Variants in TMEM71 observed in about 807,000 individuals in gnomAD.
The protein encoded by TMEM71 is transmembrane protein 71.
TMEM71 carries 44 observed loss-of-function variants against 38.0 expected under a neutral mutation model. That is an observed-to-expected ratio of 1.16 (90% confidence interval 0.91 to 1.49). The LOEUF is 1.49. TMEM71 is among the 40% of genes most tolerant of loss of function. The pLI is 0.00. For synonymous variants in TMEM71, 133 were observed against 122.5 expected (o/e 1.09, Z -0.56); for missense variants, 367 against 348.6 (o/e 1.05, Z -0.42).
At chr8:132,728,050 T>TG (rs1827253017) in intron 5 of TMEM71, 64 bp from the exon 6 acceptor site, 2 of 1,081,976 alleles carry the variant, frequency 1.8e-6, no homozygotes, top group African/African-American at 3.3e-5. Context: ...GTGTGTGTGT[T>TG]CAGTGACTGC....
At chr8:132,747,857 G>T (rs1347759754) in intron 4 of TMEM71, among the ~76,000 whole-genome samples, 1 of 152,194 alleles carries the variant, frequency 6.6e-6, no homozygotes, top group African/African-American at 2.4e-5. Context: ...CAAGGGAGTT[G>T]GAATTTAGTG....
intron 4 of TMEM71, among the ~76,000 whole-genome samples, chr8:132,749,635 AG>A (rs1284891392): frequency 1.3e-5 from 2 of 152,226 alleles, no homozygotes; most frequent in East Asian, 3.8e-4. Context: ...ATATGATGAA[AG>A]AAAGAGGCTG....
At chr8:132,714,466 G>A (rs191208085) in intron 7 of TMEM71, among the ~76,000 whole-genome samples, 14 of 151,988 alleles carry the variant, frequency 9.2e-5, no homozygotes, top group East Asian at 5.8e-4. Context: ...AGAACATACC[G>A]TCTTTTCAAC....
At position 132,727,955 on chromosome 8, in the gene TMEM71, A is replaced by T. The variant is rs139378594; in HGVS notation, c.519T>A (p.Asp173Glu). Residue 173 changes from aspartate to glutamate, a missense_variant, in exon 6 of 10, where the codon GAT becomes GAA. Transcript: ENST00000677595. ...CATTCATCTTCCCTGACTCCCAGTC[A>T]TCAGTCAGAGAAGAACAGTCTAAAT... is the stretch of plus-strand genomic sequence containing the variant. ...ADDLDCSSLT[D>E]DWESGKMNAE... The T allele has an allele frequency of 1.1e-4, 173 of 1,613,834 alleles. 1 individual carries two copies. In the Admixed American group the frequency reaches 1.6e-3, roughly 14 times the overall value.
At chr8:132,729,719 T>TA (rs1827345648) in intron 5 of TMEM71, among the ~76,000 whole-genome samples, 1 of 152,162 alleles carries the variant, frequency 6.6e-6, no homozygotes. Flanking sequence ...GTCAAAGGTC[T>TA]ATGGATTAAA....
intron 5 of TMEM71, among the ~76,000 whole-genome samples, chr8:132,733,004 T>C (rs1185859963): frequency 1.3e-5 from 2 of 152,240 alleles, no homozygotes; most frequent in East Asian, 3.8e-4. Flanking sequence ...ACAACTCTGG[T>C]AGGTGCTTCA....
At chr8:132,742,698 A>G (rs1441075646) in intron 5 of TMEM71, among the ~76,000 whole-genome samples, 1 of 152,248 alleles carries the variant, frequency 6.6e-6, no homozygotes, top group African/African-American at 2.4e-5. Context: ...AATAAATGAA[A>G]GAATGACTGT....
intron 5 of TMEM71, among the ~76,000 whole-genome samples, chr8:132,736,396 C>A (rs544430386): frequency 6.6e-6 from 1 of 152,162 alleles, no homozygotes. Flanking sequence ...CTCAGAAAAT[C>A]ATGAGTGGGT....
At chr8:132,775,390 G>A in the TMEM71 span, 2 of 378,772 alleles carry the variant, frequency 5.3e-6, no homozygotes, top group South Asian at 1.3e-4. Context: ...GTCGCGTCAG[G>A]GCTGGCCGGC....
At chr8:132,765,300 A>G (rs1586811327), upstream of TMEM71, among the ~76,000 whole-genome samples, 1 of 152,344 alleles carries the variant, frequency 6.6e-6, no homozygotes, top group Admixed American at 6.5e-5. Flanking sequence ...CTTTGCGGCA[A>G]GCTCATGCAC....
chr8:132,710,912 C>A lies in TMEM71; in HGVS notation c.*55G>T, dbSNP rs1826198589. ...GATTCCAAGTAGACTGCAAGTTGGA[C>A]AATTTCCAGATATTCAGATGGAGGA... On this transcript the variant is annotated 3_prime_UTR_variant, in exon 10 of 10. Transcript: ENST00000677595. 6.4e-7 allele frequency: 1 copy of A among 1,565,688 alleles called. No individual in the cohort carries two copies. Among genetic ancestry groups the A allele is most frequent in the South Asian group, 1.1e-5 (1 of 89,816 alleles).
intron 7 of TMEM71, among the ~76,000 whole-genome samples, chr8:132,719,638 C>G (rs1826730525): frequency 6.6e-6 from 1 of 152,188 alleles, no homozygotes; most frequent in Non-Finnish European, 1.5e-5. Flanking sequence ...GAGAAACATC[C>G]ATGCTCTTGC....
chr8:132,742,240 T>C (rs1316983352), intron 5 of TMEM71, among the ~76,000 whole-genome samples: 1 of 152,250 alleles, frequency 6.6e-6, no homozygotes, highest in African/African-American at 2.4e-5. Flanking sequence ...CTATTTTTGT[T>C]TTATATTTTA....
Position 132,715,250 on chromosome 8 carries a change from C to CAA in TMEM71, c.753-1037_753-1036dup, listed in dbSNP as rs71299031. Among the ~76,000 whole-genome samples, 513 of 142,780 alleles carry CAA rather than the reference C, an allele frequency of 3.6e-3. 3 individuals carry two copies. Among genetic ancestry groups the CAA allele is most frequent in the African/African-American group, 0.012 (460 of 39,040 alleles). 93.7% of individuals were successfully genotyped at this position (142,780 alleles called of 152,430 possible). A position where few individuals can be genotyped will look rare whatever the true frequency, so the allele number is the denominator to read the frequency against. On this transcript the variant is annotated intron_variant, in intron 7 of 9. Coordinates refer to ENST00000677595, the MANE Select transcript of TMEM71 (RefSeq NM_001382403.1). ...TGAAACCCTGTCTCCACTAAAAATGCAAAAAAAAAAATAGCCGGGCGTGGT... is the reference window on the plus strand; with the variant it reads ...TGAAACCCTGTCTCCACTAAAAATGCAAAAAAAAAAAAATAGCCGGGCGTGGT...
intron 7 of TMEM71, among the ~76,000 whole-genome samples, chr8:132,717,446 G>A (rs1345872228): frequency 2.0e-5 from 3 of 152,178 alleles, no homozygotes; most frequent in Admixed American, 6.5e-5. Flanking sequence ...AGACATTTCT[G>A]TAAAACAGAT....
At chr8:132,740,013 C>T (rs370496478) in intron 5 of TMEM71, among the ~76,000 whole-genome samples, 6 of 152,204 alleles carry the variant, frequency 3.9e-5, no homozygotes, top group Admixed American at 6.5e-5. Context: ...AATCTGAACT[C>T]AGCAGCTGGA....
chr8:132,733,655 C>T (rs557393099), intron 5 of TMEM71, among the ~76,000 whole-genome samples: 8 of 152,292 alleles, frequency 5.3e-5, no homozygotes, highest in Non-Finnish European at 7.3e-5. Flanking sequence ...GAAAATGAAA[C>T]ACGCAGATCA....
intron 5 of TMEM71, among the ~76,000 whole-genome samples, chr8:132,743,461 A>G (rs1239448865): frequency 6.6e-6 from 1 of 151,932 alleles, no homozygotes; most frequent in African/African-American, 2.4e-5. Flanking sequence ...CACCTTTTAT[A>G]CTACTATTAT....
chr8:132,718,134 CA>C (rs1220758729), intron 7 of TMEM71, among the ~76,000 whole-genome samples: 2 of 152,066 alleles, frequency 1.3e-5, no homozygotes, highest in African/African-American at 4.8e-5. Flanking sequence ...TTTCTTTTTT[CA>C]GTGATGCAAT....
Sources: allele counts gnomAD v4.1 joint callset (sites outside exome capture counted in the v4.1 genomes callset), GRCh38; gene constraint gnomAD v4.1.1; transcripts MANE v1.5; gene names NCBI Gene and HGNC (gene_info 2026-07-23, HGNC 2026-07-21).